The following MALRD1 variants were observed in gnomAD, a reference collection of about 807,000 sequenced individuals.
The protein encoded by MALRD1 is MAM and LDL-receptor class A domain-containing protein 1.
A neutral mutation model predicts 242.1 loss-of-function variants in MALRD1; 247 were observed. That is an observed-to-expected ratio of 1.02 (90% CI 0.92 to 1.13). The LOEUF (loss-of-function observed/expected upper bound fraction) is 1.13. Among genes scored for constraint, MALRD1 ranks in the 50% most tolerant of loss-of-function variants. MALRD1 has a pLI of 0.00. For synonymous variants in MALRD1, 995 were observed against 866.6 expected, an observed-to-expected ratio of 1.15 and a Z score of -2.60; for missense variants, 2,989 against 2,533.1, an observed-to-expected ratio of 1.18 and a Z score of -3.86.
intron 21 of MALRD1, among the ~76,000 whole-genome samples, chr10:19,295,400 T>C (rs1414981497): frequency 3.9e-5 from 6 of 151,966 alleles, no homozygotes; most frequent in Non-Finnish European, 8.8e-5. Context: ...TGTATATATA[T>C]TTTTATGTCT....
intron 24 of MALRD1, among the ~76,000 whole-genome samples, chr10:19,344,484 CT>C (rs1052424338): frequency 2.6e-5 from 4 of 151,980 alleles, no homozygotes; most frequent in African/African-American, 9.6e-5. Context: ...TTTCTGGGTT[CT>C]TTTCTGTTCT....
intron 4 of MALRD1, among the ~76,000 whole-genome samples, chr10:19,095,548 T>A (rs1835995640): frequency 6.6e-6 from 1 of 152,010 alleles, no homozygotes; most frequent in Non-Finnish European, 1.5e-5. Context: ...TTAAGAAAGA[T>A]TAATTTGGGG....
intron 14 of MALRD1, among the ~76,000 whole-genome samples, chr10:19,188,228 G>A (rs1835820788): frequency 6.6e-6 from 1 of 152,148 alleles, no homozygotes; most frequent in Non-Finnish European, 1.5e-5. Flanking sequence ...ATGACCACCT[G>A]TAACAAGATT....
At chr10:19,174,907 G>T (rs1008388015) in intron 13 of MALRD1, among the ~76,000 whole-genome samples, 2 of 152,084 alleles carry the variant, frequency 1.3e-5, no homozygotes, top group African/African-American at 4.8e-5. Context: ...ACCCCAAAGA[G>T]CTCATTATAA....
At chr10:19,248,701 A>G (rs990977390) in intron 18 of MALRD1, among the ~76,000 whole-genome samples, 1 of 151,452 alleles carries the variant, frequency 6.6e-6, no homozygotes, top group East Asian at 1.9e-4. Context: ...CATTTAACCA[A>G]TGGTCTTTCT....
Position 19,103,977 on chromosome 10 carries a change from A to G in MALRD1, c.598-2A>G. 2.4e-6 allele frequency: 3 copies of G among 1,232,288 alleles called. No homozygotes were observed. The highest frequency in any genetic ancestry group is 3.0e-6 in the Non-Finnish European group (3 of 986,776). The allele number at this position is 1,232,288 out of a possible 1,614,324, so 76.3% of individuals were successfully genotyped here. On this transcript the variant is annotated splice_acceptor_variant, in intron 4 of 39. Coordinates refer to ENST00000454679, the MANE Select transcript of MALRD1 (RefSeq NM_001142308.3). LOFTEE classifies it high-confidence loss of function. ...TTGTTTTGTTTTGTTTTTCTGGTGCAGGTTGTTTTTGAAGGTCAAATGGCT... is the reference window on the plus strand; with the variant it reads ...TTGTTTTGTTTTGTTTTTCTGGTGCGGGTTGTTTTTGAAGGTCAAATGGCT...
At chr10:19,130,304 A>T (rs1220448204) in intron 8 of MALRD1, among the ~76,000 whole-genome samples, 1 of 152,166 alleles carries the variant, frequency 6.6e-6, no homozygotes, top group Non-Finnish European at 1.5e-5. Context: ...TCAATATTTC[A>T]GTTGCTGTCA....
chr10:19,305,397 CT>C (rs901473593), intron 21 of MALRD1, among the ~76,000 whole-genome samples: 2 of 151,316 alleles, frequency 1.3e-5, no homozygotes, highest in African/African-American at 2.4e-5. Context: ...GACTTGACAA[CT>C]TTTTTTTGTT....
intron 18 of MALRD1, among the ~76,000 whole-genome samples, chr10:19,239,851 G>A (rs1564494256): frequency 6.6e-6 from 1 of 152,048 alleles, no homozygotes; most frequent in Non-Finnish European, 1.5e-5. Flanking sequence ...CTGTTCCATT[G>A]GTCTATGTGT....
At chr10:19,316,321 G>A (rs956773417) in intron 21 of MALRD1, among the ~76,000 whole-genome samples, 1 of 151,736 alleles carries the variant, frequency 6.6e-6, no homozygotes, top group Non-Finnish European at 1.5e-5. Context: ...TTTTGGAAAG[G>A]ACCAATAAAG....
In MALRD1 at chr10:19,458,472, T is replaced by C. The variant is rs187915196; in HGVS notation, c.5029+7982T>C. ...GTGAAAGGTAACTGGTTTTTATTGA[T>C]TGAAGAATTTTGATTATCAAAAGGT... On this transcript the variant is annotated intron_variant, in intron 29 of 39. Transcript: ENST00000454679. Among the ~76,000 whole-genome samples the C allele has an allele frequency of 1.4e-3, 217 of 152,328 alleles. 1 individual carries two copies. Among genetic ancestry groups the C allele is most frequent in the Non-Finnish European group, 1.5e-3 (103 of 68,012 alleles).
chr10:19,552,726 T>A (rs1201578604), intron 32 of MALRD1, among the ~76,000 whole-genome samples: 3 of 152,062 alleles, frequency 2.0e-5, no homozygotes, highest in African/African-American at 7.2e-5. Context: ...AGAAAAAAAT[T>A]ATTTTGTTTT....
intron 29 of MALRD1, among the ~76,000 whole-genome samples, chr10:19,487,154 C>A (rs1837269883): frequency 6.6e-6 from 1 of 152,058 alleles, no homozygotes; most frequent in African/African-American, 2.4e-5. Context: ...TCCATCCATT[C>A]TTTTATCATC....
chr10:19,632,498 T>C (rs1479385318), intron 36 of MALRD1, among the ~76,000 whole-genome samples: 1 of 152,152 alleles, frequency 6.6e-6, no homozygotes, highest in Admixed American at 6.6e-5. Context: ...TTAGTATATG[T>C]AAAAGTTATA....
intron 32 of MALRD1, among the ~76,000 whole-genome samples, chr10:19,547,345 C>T (rs191874804): frequency 1.4e-3 from 208 of 152,158 alleles, no homozygotes; most frequent in African/African-American, 4.0e-3. Context: ...GGTGGAAGAA[C>T]GACTGCCCGA....
At chr10:19,280,338 C>A in intron 20 of MALRD1, 115 bp downstream of exon 20, 1 of 724,732 alleles carries the variant, frequency 1.4e-6, no homozygotes, top group Non-Finnish European at 2.0e-6. Flanking sequence ...TGAGTTAGAG[C>A]AACTTCTAAA....
intron 36 of MALRD1, among the ~76,000 whole-genome samples, chr10:19,667,381 T>G (rs1841721285): frequency 6.6e-6 from 1 of 152,126 alleles, no homozygotes; most frequent in African/African-American, 2.4e-5. Context: ...TTTTAGTCCT[T>G]TGGGGCTGCT....
chr10:19,270,336 TCACACACACACACACACACA>T (rs200537040), intron 19 of MALRD1, among the ~76,000 whole-genome samples: 5 of 130,876 alleles, frequency 3.8e-5, no homozygotes, highest in East Asian at 2.2e-4. Flanking sequence ...TCTCTCTCTC[TCACACACACACACACACACA>T]CACACACACA....
intron 36 of MALRD1, among the ~76,000 whole-genome samples, chr10:19,642,876 A>C (rs929749201): frequency 1.3e-5 from 2 of 152,174 alleles, no homozygotes; most frequent in Non-Finnish European, 2.9e-5. Flanking sequence ...AATAGGTTTC[A>C]GGGAGTAGAT....
Sources: gnomAD v4.1 joint callset for allele counts (sites outside exome capture counted in the v4.1 genomes callset) on GRCh38, gnomAD v4.1.1 for gene constraint, MANE v1.5 for transcripts, NCBI Gene and HGNC (gene_info 2026-07-23, HGNC 2026-07-21) for gene names.